Variants in CSMD1 observed in about 807,000 individuals in gnomAD.
CSMD1 encodes the protein CUB and Sushi multiple domains 1, also known as CUB and sushi domain-containing protein 1.
Under a neutral mutation model 417.5 loss-of-function variants are expected in CSMD1, and 213 were observed. The ratio of observed to expected loss-of-function variants is 0.51; its 90% CI spans 0.46 to 0.57. The LOEUF (loss-of-function observed/expected upper bound fraction) is 0.57, where lower values mean the gene tolerates loss of function less well. Ranked by LOEUF, CSMD1 falls within the 20% of genes least tolerant of loss-of-function variation. The pLI is 0.00. For missense variants in CSMD1, 6,923 were observed against 4,529.7 expected (o/e 1.53, Z -15.17); for synonymous variants, 2,862 against 1,736.8 (o/e 1.65, Z -16.11).
chr8:3,209,801 A>C (rs1290118253), intron 30 of CSMD1, among the ~76,000 whole-genome samples: 1 of 152,232 alleles, frequency 6.6e-6, no homozygotes, highest in East Asian at 1.9e-4. Context: ...AGACATACAA[A>C]AGCATTCATT....
intron 1 of CSMD1, among the ~76,000 whole-genome samples, chr8:4,742,627 T>C (rs1316286360): frequency 6.6e-6 from 1 of 152,188 alleles, no homozygotes; most frequent in Non-Finnish European, 1.5e-5. Flanking sequence ...ATACTGCTTC[T>C]ATTATGCTTG....
chr8:4,128,146 T>G (rs955378625), intron 3 of CSMD1, among the ~76,000 whole-genome samples: 6 of 151,838 alleles, frequency 4.0e-5, no homozygotes, highest in Non-Finnish European at 2.9e-5. Context: ...CCCCCACCTC[T>G]GGAGAAAAGT....
chr8:3,617,115 G>C (rs1352071832), intron 7 of CSMD1, among the ~76,000 whole-genome samples: 1 of 152,098 alleles, frequency 6.6e-6, no homozygotes, highest in African/African-American at 2.4e-5. Context: ...AGCATGATCA[G>C]AAAAACAGCA....
Position 3,981,543 on chromosome 8 carries a change from T to C in CSMD1, c.818+16360A>G, listed in dbSNP as rs557288401. Among the ~76,000 whole-genome samples the C allele has an allele frequency of 6.6e-5, 10 of 151,138 alleles. No homozygotes were observed. In the South Asian group the frequency reaches 2.1e-3, roughly 32 times the overall value. On this transcript the variant is annotated intron_variant, in intron 5 of 69. Transcript: ENST00000635120. The stretch of plus-strand genomic sequence containing the variant: ...AAAAAAAAGAACATACAATTGTGTT[T>C]ACCTAAGTCTTTCCACACCGTGTTC...
intron 3 of CSMD1, among the ~76,000 whole-genome samples, chr8:4,151,483 C>T (rs941325848): frequency 6.6e-6 from 1 of 152,150 alleles, no homozygotes; most frequent in African/African-American, 2.4e-5. Context: ...TTAACAAACA[C>T]ATTATACAGA....
intron 2 of CSMD1, among the ~76,000 whole-genome samples, chr8:4,525,928 C>T (rs1563256500): frequency 6.6e-6 from 1 of 152,084 alleles, no homozygotes; most frequent in Non-Finnish European, 1.5e-5. Flanking sequence ...CACCTGAGAC[C>T]AGGGGCAGAA....
rs963153145 is a variant in CSMD1 at position 3,420,265 on chromosome 8, C to T, written c.1562-10660G>A. On this transcript the variant is annotated intron_variant, in intron 12 of 69. Transcript: ENST00000635120. ...CAAGAAAAGCATCAGATAAATACAA[C>T]CTGAGGAATAGTCTACACAATACCA... Among the ~76,000 whole-genome samples, 4 of 152,120 alleles carry T rather than the reference C, an allele frequency of 2.6e-5. No homozygotes were observed. The South Asian group carries it at 8.3e-4, about 32-fold the overall frequency.
chr8:4,741,196 A>G (rs1810582458), intron 1 of CSMD1, among the ~76,000 whole-genome samples: 1 of 152,132 alleles, frequency 6.6e-6, no homozygotes, highest in African/African-American at 2.4e-5. Flanking sequence ...AGGCATTTCA[A>G]CAGAAGACCC....
intron 4 of CSMD1, among the ~76,000 whole-genome samples, chr8:4,026,011 T>TAAA (rs78872159): frequency 3.6e-4 from 52 of 143,148 alleles, no homozygotes; most frequent in East Asian, 8.2e-4. Context: ...AGGAACTCTA[T>TAAA]AAAAAAAAAA....
chr8:4,422,274 T>C (rs1797290125), intron 2 of CSMD1, among the ~76,000 whole-genome samples: 1 of 152,066 alleles, frequency 6.6e-6, no homozygotes, highest in Admixed American at 6.6e-5. Flanking sequence ...TAGAATGCTT[T>C]TGTAGTAATT....
At chr8:4,818,132 G>A (rs186660776) in intron 1 of CSMD1, among the ~76,000 whole-genome samples, 6 of 152,174 alleles carry the variant, frequency 3.9e-5, no homozygotes, top group South Asian at 2.1e-4. Flanking sequence ...AAGCCTACTC[G>A]TAAAATTGCA....
chr8:4,005,523 C>A (rs1187691081), intron 4 of CSMD1, among the ~76,000 whole-genome samples: 1 of 152,196 alleles, frequency 6.6e-6, no homozygotes, highest in Non-Finnish European at 1.5e-5. Context: ...ACTTGCCTTT[C>A]TCAACGAATT....
chr8:4,333,946 C>T (rs563936934), intron 3 of CSMD1, among the ~76,000 whole-genome samples: 45 of 152,216 alleles, frequency 3.0e-4, no homozygotes, highest in African/African-American at 1.1e-3. Flanking sequence ...GACTGGAGGG[C>T]AGTGACACCA....
chr8:4,192,045 T>C (rs894966103), intron 3 of CSMD1, among the ~76,000 whole-genome samples: 17 of 152,118 alleles, frequency 1.1e-4, no homozygotes, highest in Non-Finnish European at 1.0e-4. Context: ...GCAACAAAAG[T>C]ATTTGTGTTT....
At chr8:4,176,129 G>C (rs1262089587) in intron 3 of CSMD1, among the ~76,000 whole-genome samples, 5 of 152,104 alleles carry the variant, frequency 3.3e-5, no homozygotes, top group Admixed American at 1.3e-4. Flanking sequence ...CTCAAGGGCA[G>C]TCCACATTTA....
chr8:4,070,244 A>G (rs1206782949), intron 3 of CSMD1, among the ~76,000 whole-genome samples: 1 of 152,140 alleles, frequency 6.6e-6, no homozygotes, highest in African/African-American at 2.4e-5. Flanking sequence ...TATCATATAT[A>G]TTACAAACAT....
At chr8:3,294,714 C>T (rs998291810) in intron 25 of CSMD1, among the ~76,000 whole-genome samples, 1 of 152,124 alleles carries the variant, frequency 6.6e-6, no homozygotes, top group Non-Finnish European at 1.5e-5. Flanking sequence ...TTTCCAGGTG[C>T]CATCTGTCAC....
At chr8:3,300,341 A>T (rs992568614) in intron 25 of CSMD1, among the ~76,000 whole-genome samples, 1 of 151,156 alleles carries the variant, frequency 6.6e-6, no homozygotes, top group Admixed American at 6.6e-5. Flanking sequence ...GTTTAAGATT[A>T]CAGAAAACTA....
intron 18 of CSMD1, among the ~76,000 whole-genome samples, chr8:3,384,015 G>C (rs1041259477): frequency 6.6e-6 from 1 of 152,158 alleles, no homozygotes; most frequent in Non-Finnish European, 1.5e-5. Context: ...ATAACCACTA[G>C]TGCCAGACAA....
Sources: allele counts gnomAD v4.1 joint callset (sites outside exome capture counted in the v4.1 genomes callset), GRCh38; gene constraint gnomAD v4.1.1; transcripts MANE v1.5; gene names NCBI Gene and HGNC (gene_info 2026-07-23, HGNC 2026-07-21).